The following PTPRT variants were observed in gnomAD, a reference collection of about 807,000 sequenced individuals.
The protein encoded by PTPRT is receptor-type tyrosine-protein phosphatase T.
A neutral mutation model predicts 176.8 loss-of-function variants in PTPRT; 56 were observed. The observed-to-expected ratio is 0.32, with a 90% CI of 0.26 to 0.40. The LOEUF is 0.40. Ranked by LOEUF, PTPRT falls within the 10% of genes least tolerant of loss-of-function variation. The probability of loss-of-function intolerance (pLI) is 1.00; values close to 1 mark genes in which losing one functional copy is unlikely to be tolerated. For synonymous variants in PTPRT, 783 were observed against 739.0 expected, an observed-to-expected ratio of 1.06 and a Z score of -0.96; for missense variants, 1,540 against 1,908.2, an observed-to-expected ratio of 0.81 and a Z score of 3.60.
chr20:42,758,783 C>A (rs1288922150), intron 5 of PTPRT, among the ~76,000 whole-genome samples: 1 of 152,192 alleles, frequency 6.6e-6, no homozygotes, highest in Admixed American at 6.5e-5. Flanking sequence ...AGCTTCCAAG[C>A]TATGCAGACT....
intron 1 of PTPRT, among the ~76,000 whole-genome samples, chr20:43,045,008 A>G (rs910236016): frequency 1.3e-5 from 2 of 152,244 alleles, no homozygotes; most frequent in Non-Finnish European, 2.9e-5. Context: ...AAGCCTTAAA[A>G]TGTCACTGTA....
chr20:43,179,287 TG>T (rs1380405332), intron 1 of PTPRT, among the ~76,000 whole-genome samples: 1 of 152,216 alleles, frequency 6.6e-6, no homozygotes, highest in Non-Finnish European at 1.5e-5. Context: ...ATAACTTACG[TG>T]TTTACATCAG....
chr20:42,728,119 A>G (rs990743002), intron 6 of PTPRT, among the ~76,000 whole-genome samples: 1 of 152,172 alleles, frequency 6.6e-6, no homozygotes, highest in African/African-American at 2.4e-5. Flanking sequence ...TCACTTCACT[A>G]ACAGCTGTAA....
intron 1 of PTPRT, among the ~76,000 whole-genome samples, chr20:42,889,426 T>C (rs1005104388): frequency 2.6e-5 from 4 of 152,222 alleles, no homozygotes; most frequent in African/African-American, 9.6e-5. Context: ...CCACTCTATC[T>C]TGAGCCACTA....
chr20:43,042,133 T>G (rs2146214454), intron 1 of PTPRT, among the ~76,000 whole-genome samples: 1 of 152,330 alleles, frequency 6.6e-6, no homozygotes, highest in East Asian at 1.9e-4. Context: ...GTTAAAGGCC[T>G]GGTGCACAGC....
intron 9 of PTPRT, among the ~76,000 whole-genome samples, chr20:42,378,254 T>C (rs565774534): frequency 1.3e-5 from 2 of 152,162 alleles, no homozygotes; most frequent in Non-Finnish European, 2.9e-5. Context: ...CAGATAAACA[T>C]CTCTTAAATA....
chr20:43,177,493 G>A (rs913802493), intron 1 of PTPRT, among the ~76,000 whole-genome samples: 3 of 152,168 alleles, frequency 2.0e-5, no homozygotes, highest in Non-Finnish European at 4.4e-5. Flanking sequence ...ACCTGGAATG[G>A]GAAAGATACC....
intron 2 of PTPRT, among the ~76,000 whole-genome samples, chr20:42,815,175 G>A (rs1278730580): frequency 2.6e-5 from 4 of 152,118 alleles, no homozygotes; most frequent in Non-Finnish European, 4.4e-5. Flanking sequence ...AATTCATTTA[G>A]ATCTTAGTAA....
At chr20:42,534,439 C>T (rs2072439740) in intron 7 of PTPRT, among the ~76,000 whole-genome samples, 2 of 152,072 alleles carry the variant, frequency 1.3e-5, no homozygotes, top group South Asian at 4.1e-4. Flanking sequence ...CGAGATCATC[C>T]TGGCTAACAT....
intron 9 of PTPRT, among the ~76,000 whole-genome samples, chr20:42,431,156 T>G (rs183719145): frequency 1.3e-5 from 2 of 152,304 alleles, no homozygotes; most frequent in African/African-American, 4.8e-5. Flanking sequence ...ATTCCTGAAT[T>G]GTAGGCTTAA....
intron 1 of PTPRT, among the ~76,000 whole-genome samples, chr20:42,994,150 C>A (rs1319830358): frequency 1.3e-5 from 2 of 152,214 alleles, no homozygotes; most frequent in Non-Finnish European, 1.5e-5. Flanking sequence ...TCCCTAGGCA[C>A]ATAAGACCAC....
chr20:42,903,196 C>T (rs1224717052), intron 1 of PTPRT, among the ~76,000 whole-genome samples: 1 of 152,198 alleles, frequency 6.6e-6, no homozygotes, highest in African/African-American at 2.4e-5. Flanking sequence ...TGTAATCTTA[C>T]TTAATCTTAA....
chr20:42,421,169 A>G (rs1185248335), intron 9 of PTPRT, among the ~76,000 whole-genome samples: 1 of 152,054 alleles, frequency 6.6e-6, no homozygotes, highest in Non-Finnish European at 1.5e-5. Flanking sequence ...CTTTCTGAAA[A>G]ATTAGATGCA....
chr20:42,332,642 ATTTT>A, intron 11 of PTPRT, among the ~76,000 whole-genome samples: 1 of 147,368 alleles, frequency 6.8e-6, no homozygotes, highest in Non-Finnish European at 1.5e-5. Flanking sequence ...TGTGGAAAAC[ATTTT>A]TTTTTTTTGA....
chr20:42,400,092 A>C (rs370414218), intron 9 of PTPRT, among the ~76,000 whole-genome samples: 33 of 152,288 alleles, frequency 2.2e-4, no homozygotes, highest in African/African-American at 7.9e-4. Context: ...CAGATGCCTC[A>C]TGTTGTCTTT....
At chr20:42,545,570 A>G (rs1415749594) in intron 7 of PTPRT, among the ~76,000 whole-genome samples, 1 of 152,182 alleles carries the variant, frequency 6.6e-6, no homozygotes, top group Admixed American at 6.5e-5. Flanking sequence ...CCTACCCAGA[A>G]AGAGTCTTCT....
chr20:42,768,236 C>T (rs16987358), intron 5 of PTPRT, among the ~76,000 whole-genome samples: 1,714 of 152,222 alleles, frequency 0.011, 35 homozygotes, highest in African/African-American at 0.035. Context: ...TTACCAGATA[C>T]GTTTCAAGTG....
intron 9 of PTPRT, among the ~76,000 whole-genome samples, chr20:42,438,237 G>A (rs2059280357): frequency 6.6e-6 from 1 of 152,168 alleles, no homozygotes; most frequent in Non-Finnish European, 1.5e-5. Context: ...TCTCTCCTAG[G>A]ACAACTGTAG....
intron 1 of PTPRT, among the ~76,000 whole-genome samples, chr20:43,003,228 C>T (rs1384964636): frequency 2.6e-5 from 4 of 152,138 alleles, no homozygotes; most frequent in Non-Finnish European, 4.4e-5. Flanking sequence ...CACTCTGTCA[C>T]CTAGGCTAGA....
Sources: gnomAD v4.1 joint callset for allele counts (sites outside exome capture counted in the v4.1 genomes callset) on GRCh38, gnomAD v4.1.1 for gene constraint, MANE v1.5 for transcripts, NCBI Gene and HGNC (gene_info 2026-07-23, HGNC 2026-07-21) for gene names.